The following ST8SIA2 variants were observed in gnomAD, a reference collection of about 807,000 sequenced individuals.
ST8SIA2 encodes the protein ST8 alpha-N-acetyl-neuraminide alpha-2,8-sialyltransferase 2.
In ST8SIA2, 22 loss-of-function variants were observed where a neutral mutation model predicts 37.6. The ratio of observed to expected loss-of-function variants is 0.58; its 90% confidence interval spans 0.42 to 0.83. The LOEUF is 0.83. ST8SIA2 is among the 40% of genes least tolerant of loss of function. The probability of loss-of-function intolerance (pLI) is 0.00; values close to 1 mark genes in which losing one functional copy is unlikely to be tolerated. For synonymous variants in ST8SIA2, 205 were observed against 201.2 expected (o/e 1.02, Z -0.16); for missense variants, 382 against 484.7 (o/e 0.79, Z 1.99).
chr15:92,432,026 C>T (rs1453243581), intron 2 of ST8SIA2, among the ~76,000 whole-genome samples: 1 of 152,132 alleles, frequency 6.6e-6, no homozygotes, highest in East Asian at 1.9e-4. Context: ...AGCAGGTCTC[C>T]TCTCCAGGCA....
intron 1 of ST8SIA2, among the ~76,000 whole-genome samples, chr15:92,409,970 G>A (rs559761005): frequency 6.6e-6 from 1 of 152,252 alleles, no homozygotes; most frequent in Non-Finnish European, 1.5e-5. Flanking sequence ...GGGGGAGCGA[G>A]TTGTGTAATG....
At chr15:92,448,923 T>A (rs924140571) in intron 5 of ST8SIA2, among the ~76,000 whole-genome samples, 1 of 151,626 alleles carries the variant, frequency 6.6e-6, no homozygotes, top group Admixed American at 6.6e-5. Context: ...ATAAACCCCC[T>A]GTTTATAGGG....
At chr15:92,455,520 TA>T (rs2049913919) in intron 5 of ST8SIA2, among the ~76,000 whole-genome samples, 1 of 152,144 alleles carries the variant, frequency 6.6e-6, no homozygotes, top group African/African-American at 2.4e-5. Flanking sequence ...CTTCCAAAAA[TA>T]ACCCCTTTTT....
intron 1 of ST8SIA2, among the ~76,000 whole-genome samples, chr15:92,414,939 C>T (rs1392400811): frequency 6.6e-6 from 1 of 152,244 alleles, no homozygotes; most frequent in East Asian, 1.9e-4. Flanking sequence ...CAGGAAGTGG[C>T]TCACAGGGAG....
At chr15:92,454,557 CCA>C (rs920741983) in intron 5 of ST8SIA2, among the ~76,000 whole-genome samples, 5 of 151,996 alleles carry the variant, frequency 3.3e-5, no homozygotes, top group African/African-American at 1.2e-4. Flanking sequence ...GTCTCTGCCC[CCA>C]CAGTGGACTT....
At chr15:92,445,043 G>C in intron 5 of ST8SIA2, 114 bp downstream of exon 5, 1 of 1,483,920 alleles carries the variant, frequency 6.7e-7, no homozygotes, top group South Asian at 1.2e-5. Context: ...TCATTTGCTG[G>C]ATGGCCTCAG....
intron 4 of ST8SIA2, among the ~76,000 whole-genome samples, chr15:92,440,227 C>T (rs570334662): frequency 3.3e-5 from 5 of 152,194 alleles, no homozygotes; most frequent in East Asian, 1.9e-4. Context: ...ATCTGTAAAA[C>T]GGGCTGGGTG....
intron 1 of ST8SIA2, among the ~76,000 whole-genome samples, chr15:92,406,557 A>G (rs1324143441): frequency 6.6e-6 from 1 of 152,226 alleles, no homozygotes; most frequent in Non-Finnish European, 1.5e-5. Context: ...TGCTGGGGGA[A>G]TGATTGGTTT....
chr15:92,409,964 G>A, intron 1 of ST8SIA2, among the ~76,000 whole-genome samples: 1 of 152,260 alleles, frequency 6.6e-6, no homozygotes, highest in East Asian at 1.9e-4. Flanking sequence ...TCTGGTGGGG[G>A]AGCGAGTTGT....
rs1216437765 is a variant in ST8SIA2 at position 92,393,913 on chromosome 15, TGCCGCTGCCGCC to T, written c.-147_-136del. On this transcript the variant is annotated 5_prime_UTR_variant, in exon 1 of 6. Coordinates refer to ENST00000268164, the MANE Select transcript of ST8SIA2 (RefSeq NM_006011.4). ...CCCTGCCTGTCGCTGCCGCTGCCGC[TGCCGCTGCCGCC>T]GCCGGCCCGGACTCGTCCGGAGCGC... 3 of 283,036 alleles carry T rather than the reference TGCCGCTGCCGCC, an allele frequency of 1.1e-5. No homozygotes were observed. The highest frequency in any genetic ancestry group is 5.6e-5 in the Admixed American group (1 of 17,754). 17.5% of individuals were successfully genotyped at this position (283,036 alleles called of 1,614,324 possible). A position where few individuals can be genotyped will look rare whatever the true frequency, so the allele number is the denominator to read the frequency against.
chr15:92,423,533 A>T (rs1596236989), intron 1 of ST8SIA2, among the ~76,000 whole-genome samples: 1 of 152,258 alleles, frequency 6.6e-6, no homozygotes. Flanking sequence ...CCGGAGGCTG[A>T]GAAGTCCAAG....
intron 3 of ST8SIA2, among the ~76,000 whole-genome samples, chr15:92,436,972 T>C (rs60704830): frequency 0.08 from 12,234 of 152,160 alleles, 1,466 homozygotes; most frequent in African/African-American, 0.26. Flanking sequence ...GCCTGGAAAT[T>C]TGAAATACTT....
intron 1 of ST8SIA2, among the ~76,000 whole-genome samples, chr15:92,409,509 A>G (rs950658020): frequency 7.9e-6 from 1 of 125,886 alleles, no homozygotes; most frequent in Non-Finnish European, 1.6e-5. Context: ...TAGGTGGTCT[A>G]TTTACTTTTG....
At chr15:92,434,513 G>C (rs1287593054) in intron 3 of ST8SIA2, 138 bp downstream of exon 3, 3 of 1,314,672 alleles carry the variant, frequency 2.3e-6, no homozygotes, top group Non-Finnish European at 3.2e-6. Context: ...TCATCTGTAA[G>C]TGATCAATCG....
intron 4 of ST8SIA2, 90 bp downstream of exon 4, chr15:92,438,700 C>A: frequency 1.4e-6 from 2 of 1,457,750 alleles, no homozygotes; most frequent in South Asian, 2.9e-5. Context: ...GAGATTGAAA[C>A]AAGAGGCCCT....
At chr15:92,407,459 G>A (rs567624630) in intron 1 of ST8SIA2, among the ~76,000 whole-genome samples, 176 of 152,326 alleles carry the variant, frequency 1.2e-3, no homozygotes, top group African/African-American at 4.0e-3. Context: ...ACAGCAAAGC[G>A]CTCATCAGCT....
At chr15:92,450,793 C>T (rs2049876100) in intron 5 of ST8SIA2, among the ~76,000 whole-genome samples, 1 of 152,152 alleles carries the variant, frequency 6.6e-6, no homozygotes, top group South Asian at 2.1e-4. Flanking sequence ...AGATCCAAAC[C>T]ATATCAATGA....
At chr15:92,411,641 G>T (rs2049550084) in intron 1 of ST8SIA2, among the ~76,000 whole-genome samples, 1 of 152,132 alleles carries the variant, frequency 6.6e-6, no homozygotes, top group South Asian at 2.1e-4. Flanking sequence ...GGGGATAAGA[G>T]GGCAGCAGAA....
Position 92,464,403 on chromosome 15 carries a change from A to T in ST8SIA2, c.*18A>T. ...CCACGTAGGGTGGGCACCCCATGGGACTCAGTGGCTCACATTTCCTGCCAG... is the reference window on the plus strand; with the variant it reads ...CCACGTAGGGTGGGCACCCCATGGGTCTCAGTGGCTCACATTTCCTGCCAG... On this transcript the variant is annotated 3_prime_UTR_variant, in exon 6 of 6. Coordinates refer to ENST00000268164, the MANE Select transcript of ST8SIA2 (RefSeq NM_006011.4). 2 of 1,612,756 alleles carry T rather than the reference A, an allele frequency of 1.2e-6. No individual in the cohort carries two copies. The highest frequency in any genetic ancestry group is 1.7e-6 in the Non-Finnish European group (2 of 1,179,974).
Sources: gnomAD v4.1 joint callset for allele counts (sites outside exome capture counted in the v4.1 genomes callset) on GRCh38, gnomAD v4.1.1 for gene constraint, MANE v1.5 for transcripts, NCBI Gene and HGNC (gene_info 2026-07-23, HGNC 2026-07-21) for gene names.